Variants in CTNNA3 observed in about 807,000 individuals in gnomAD.
CTNNA3 encodes catenin alpha 3.
CTNNA3 carries 76 observed loss-of-function variants against 95.7 expected under a neutral mutation model. The observed-to-expected ratio is 0.79, with a 90% confidence interval of 0.66 to 0.96. The LOEUF is 0.96. CTNNA3 is among the 40% of genes least tolerant of loss of function. The probability of loss-of-function intolerance (pLI) is 0.00; values close to 1 mark genes in which losing one functional copy is unlikely to be tolerated. For synonymous variants in CTNNA3, 431 were observed against 374.4 expected, an observed-to-expected ratio of 1.15 and a Z score of -1.74; for missense variants, 1,191 against 1,089.8, an observed-to-expected ratio of 1.09 and a Z score of -1.31.
intron 1 of CTNNA3, among the ~76,000 whole-genome samples, chr10:67,726,280 T>A (rs1201832383): frequency 9.9e-6 from 1 of 101,444 alleles, no homozygotes; most frequent in African/African-American, 4.2e-5. Flanking sequence ...ATATATATTA[T>A]ATTACATATT....
chr10:65,975,757 A>G (rs186354886), intron 16 of CTNNA3, among the ~76,000 whole-genome samples: 18 of 152,070 alleles, frequency 1.2e-4, no homozygotes, highest in Admixed American at 2.0e-4. Flanking sequence ...AGTAAGTTTC[A>G]GAGAGAGTAA....
intron 10 of CTNNA3, among the ~76,000 whole-genome samples, chr10:66,583,478 T>C (rs1338006158): frequency 6.6e-6 from 1 of 151,920 alleles, no homozygotes; most frequent in African/African-American, 2.4e-5. Flanking sequence ...ATAGAGCTCT[T>C]CACAGTAGTC....
At chr10:66,363,718 G>A (rs74141458) in intron 12 of CTNNA3, among the ~76,000 whole-genome samples, 11,504 of 152,190 alleles carry the variant, frequency 0.076, 551 homozygotes, top group East Asian at 0.21. Context: ...GTTGTTTTCT[G>A]TGATTTATGT....
At chr10:67,078,677 T>A (rs1457992814) in intron 7 of CTNNA3, among the ~76,000 whole-genome samples, 1 of 152,038 alleles carries the variant, frequency 6.6e-6, no homozygotes, top group Non-Finnish European at 1.5e-5. Context: ...CCACCACACC[T>A]GGCTAATTCT....
At chr10:66,442,099 C>T (rs1225274675) in intron 11 of CTNNA3, among the ~76,000 whole-genome samples, 9 of 152,100 alleles carry the variant, frequency 5.9e-5, no homozygotes, top group South Asian at 2.1e-4. Flanking sequence ...GTATTGAACA[C>T]GTACAGACAT....
chr10:65,988,670 T>G, intron 16 of CTNNA3, 22 bp downstream of exon 16: 1 of 1,579,932 alleles, frequency 6.3e-7, no homozygotes, highest in South Asian at 1.1e-5. Flanking sequence ...ACTTTTATGA[T>G]GTCCACTTGT....
chr10:66,749,220 A>G (rs929907984), intron 9 of CTNNA3, among the ~76,000 whole-genome samples: 19 of 147,750 alleles, frequency 1.3e-4, no homozygotes, highest in African/African-American at 4.9e-4. Context: ...AAAAAAAAAA[A>G]AAAAAAAAGA....
At chr10:66,618,701 T>C (rs1366101728) in intron 10 of CTNNA3, among the ~76,000 whole-genome samples, 2 of 152,020 alleles carry the variant, frequency 1.3e-5, no homozygotes, top group African/African-American at 2.4e-5. Context: ...AAAGCCAAAA[T>C]TGACAAATGG....
intron 9 of CTNNA3, among the ~76,000 whole-genome samples, chr10:66,668,766 G>A (rs956201142): frequency 2.6e-5 from 4 of 151,712 alleles, no homozygotes; most frequent in African/African-American, 9.7e-5. Flanking sequence ...GAGCTGAGAT[G>A]GCACCACTGC....
At chr10:67,003,930 A>T (rs968089091) in intron 7 of CTNNA3, among the ~76,000 whole-genome samples, 10 of 152,184 alleles carry the variant, frequency 6.6e-5, no homozygotes, top group Non-Finnish European at 1.0e-4. Flanking sequence ...CATGTTTTTT[A>T]TTGCATGAGT....
At position 67,216,646 on chromosome 10, in the gene CTNNA3, A is replaced by G. The variant is rs187044460; in HGVS notation, c.843+2961T>C. Reference sequence around the variant, plus strand: ...GAATGATGATACATGAATATGTAAAAAAGTTAAAAAAAGTGAATATGACAG... The same window carrying G: ...GAATGATGATACATGAATATGTAAAGAAGTTAAAAAAAGTGAATATGACAG... On this transcript the variant is annotated intron_variant, in intron 6 of 17. Transcript: ENST00000433211. Among the ~76,000 whole-genome samples the G allele has an allele frequency of 7.2e-5, 11 of 152,212 alleles. No individual in the cohort carries two copies. In the East Asian group the frequency reaches 2.1e-3, roughly 29 times the overall value.
At chr10:66,166,320 C>T (rs981894837) in intron 13 of CTNNA3, among the ~76,000 whole-genome samples, 2 of 151,412 alleles carry the variant, frequency 1.3e-5, no homozygotes, top group Admixed American at 1.3e-4. Flanking sequence ...ATGGTGAAAC[C>T]GGTGTCTACT....
At chr10:67,505,102 C>T (rs145683884) in intron 5 of CTNNA3, among the ~76,000 whole-genome samples, 2,115 of 152,260 alleles carry the variant, frequency 0.014, 23 homozygotes, top group South Asian at 0.035. Flanking sequence ...TCTGTTTATT[C>T]ACATAATGCT....
intron 7 of CTNNA3, among the ~76,000 whole-genome samples, chr10:66,965,016 C>G (rs1425664405): frequency 6.6e-6 from 1 of 152,188 alleles, no homozygotes; most frequent in African/African-American, 2.4e-5. Flanking sequence ...CCACGTTCCA[C>G]TCTTGAATTA....
At chr10:67,277,320 T>C (rs1589118275) in intron 5 of CTNNA3, among the ~76,000 whole-genome samples, 3 of 152,122 alleles carry the variant, frequency 2.0e-5, no homozygotes. Flanking sequence ...TGATGGGTGG[T>C]TGTATGCAGT....
At chr10:66,330,670 A>G (rs999171831) in intron 12 of CTNNA3, among the ~76,000 whole-genome samples, 8 of 152,086 alleles carry the variant, frequency 5.3e-5, no homozygotes, top group African/African-American at 1.9e-4. Context: ...TGGTTGAACT[A>G]GTTTACAGTC....
intron 1 of CTNNA3, among the ~76,000 whole-genome samples, chr10:67,687,728 G>A (rs1252908784): frequency 2.6e-5 from 4 of 152,168 alleles, no homozygotes; most frequent in Non-Finnish European, 5.9e-5. Context: ...CGGGTGACAG[G>A]AGAGTATATT....
intron 9 of CTNNA3, among the ~76,000 whole-genome samples, chr10:66,651,537 G>C (rs960738577): frequency 6.6e-6 from 1 of 152,074 alleles, no homozygotes; most frequent in African/African-American, 2.4e-5. Context: ...GGGAGGCTCG[G>C]GCCTTGCGTG....
chr10:66,774,089 T>C (rs1840199936), intron 8 of CTNNA3, among the ~76,000 whole-genome samples: 1 of 152,160 alleles, frequency 6.6e-6, no homozygotes, highest in African/African-American at 2.4e-5. Context: ...TTTAGAAAAA[T>C]AATAATTCTA....
Sources: gnomAD v4.1 joint callset for allele counts (sites outside exome capture counted in the v4.1 genomes callset) on GRCh38, gnomAD v4.1.1 for gene constraint, MANE v1.5 for transcripts, NCBI Gene and HGNC (gene_info 2026-07-23, HGNC 2026-07-21) for gene names.